The following TIAM1 variants were observed in gnomAD, a reference collection of about 807,000 sequenced individuals.
TIAM1 encodes rho guanine nucleotide exchange factor TIAM1.
TIAM1 carries 65 observed loss-of-function variants against 163.5 expected under a neutral mutation model. The observed-to-expected ratio is 0.40, with a 90% confidence interval of 0.33 to 0.49. The LOEUF is 0.49. TIAM1 is among the 20% of genes least tolerant of loss of function. TIAM1 has a pLI of 0.77. For missense variants in TIAM1, 1,789 were observed against 2,044.7 expected (o/e 0.87, Z 2.41); for synonymous variants, 833 against 810.1 (o/e 1.03, Z -0.48).
chr21:31,520,605 C>G (rs965145376), intron 1 of TIAM1, among the ~76,000 whole-genome samples: 1 of 152,190 alleles, frequency 6.6e-6, no homozygotes, highest in Non-Finnish European at 1.5e-5. Flanking sequence ...AATGGGATTC[C>G]TGTGGCAATG....
At chr21:31,357,395 C>T (rs1454491968) in intron 2 of TIAM1, among the ~76,000 whole-genome samples, 2 of 152,176 alleles carry the variant, frequency 1.3e-5, no homozygotes, top group East Asian at 3.9e-4. Flanking sequence ...CTACCACAAA[C>T]TTCTAAGACT....
At chr21:31,289,699 C>T (rs1289723835) in intron 2 of TIAM1, among the ~76,000 whole-genome samples, 1 of 152,146 alleles carries the variant, frequency 6.6e-6, no homozygotes, top group Non-Finnish European at 1.5e-5. Context: ...CCATATTCCC[C>T]TCCCTAAAAA....
intron 7 of TIAM1, 86 bp from the exon 8 acceptor site, chr21:31,223,677 C>G (rs929026994): frequency 5.3e-6 from 7 of 1,316,936 alleles, no homozygotes; most frequent in Non-Finnish European, 7.1e-6. Context: ...ATCTATATGT[C>G]GTAAAGGCAT....
chr21:31,445,732 G>A (rs748522892), intron 2 of TIAM1, among the ~76,000 whole-genome samples: 1 of 152,006 alleles, frequency 6.6e-6, no homozygotes, highest in Non-Finnish European at 1.5e-5. Flanking sequence ...ATCAACCATT[G>A]TTTCCTGGAT....
intron 2 of TIAM1, among the ~76,000 whole-genome samples, chr21:31,370,757 T>C (rs893450763): frequency 3.9e-5 from 6 of 152,298 alleles, no homozygotes; most frequent in African/African-American, 1.4e-4. Context: ...GACAGTGGAC[T>C]GTTTAAAAAA....
chr21:31,482,060 A>AGTGTGT (rs10523425), intron 1 of TIAM1, among the ~76,000 whole-genome samples: 20,730 of 145,422 alleles, frequency 0.14, 1,620 homozygotes, highest in Non-Finnish European at 0.17. Context: ...ACTGGGACAA[A>AGTGTGT]GTGTGTGTGT....
chr21:31,143,441 A>G (rs1425815919), intron 20 of TIAM1, among the ~76,000 whole-genome samples: 1 of 131,854 alleles, frequency 7.6e-6, no homozygotes, highest in Non-Finnish European at 1.6e-5. Context: ...GTGGGAGTGT[A>G]TATATAATTT....
chr21:31,209,564 C>A (rs188346031), intron 11 of TIAM1, among the ~76,000 whole-genome samples: 32 of 152,268 alleles, frequency 2.1e-4, no homozygotes, highest in Middle Eastern at 3.4e-3. Context: ...CTAAAGATGC[C>A]CATAGTGTAT....
intron 1 of TIAM1, among the ~76,000 whole-genome samples, chr21:31,550,802 G>A (rs148697842): frequency 6.6e-6 from 1 of 152,132 alleles, no homozygotes; most frequent in African/African-American, 2.4e-5. Context: ...AGAAGATCAG[G>A]ACATCCATTT....
intron 2 of TIAM1, among the ~76,000 whole-genome samples, chr21:31,410,897 T>G (rs1434084407): frequency 2.0e-5 from 3 of 152,114 alleles, no homozygotes; most frequent in Non-Finnish European, 4.4e-5. Context: ...TACAAAAGCA[T>G]GAACTCAGCT....
At chr21:31,551,350 C>G (rs1375581520) in intron 1 of TIAM1, among the ~76,000 whole-genome samples, 2 of 151,930 alleles carry the variant, frequency 1.3e-5, no homozygotes, top group African/African-American at 4.8e-5. Flanking sequence ...GGAGAGATTG[C>G]ACCAAGCCGC....
chr21:31,543,038 G>A (rs2123281948), intron 1 of TIAM1, among the ~76,000 whole-genome samples: 1 of 152,128 alleles, frequency 6.6e-6, no homozygotes, highest in East Asian at 1.9e-4. Flanking sequence ...AAGGCATATC[G>A]GTGCGATGTT....
At chr21:31,417,782 C>T (rs550936426) in intron 2 of TIAM1, among the ~76,000 whole-genome samples, 9 of 152,216 alleles carry the variant, frequency 5.9e-5, no homozygotes, top group African/African-American at 2.2e-4. Flanking sequence ...GGGACAGTCT[C>T]GCTGAAAAAG....
chr21:31,215,982 G>A (rs2087183576), intron 9 of TIAM1, among the ~76,000 whole-genome samples: 1 of 152,148 alleles, frequency 6.6e-6, no homozygotes, highest in African/African-American at 2.4e-5. Context: ...CCAACATGGT[G>A]AAACCCCATC....
At chr21:31,496,459 CAAAAAAA>C (rs58140674) in intron 1 of TIAM1, among the ~76,000 whole-genome samples, 1 of 87,888 alleles carries the variant, frequency 1.1e-5, no homozygotes, top group African/African-American at 4.4e-5. Context: ...AACTCTGTCT[CAAAAAAA>C]AAAAAAAAAA....
intron 2 of TIAM1, among the ~76,000 whole-genome samples, chr21:31,403,292 C>T (rs1003093186): frequency 6.6e-6 from 1 of 152,016 alleles, no homozygotes; most frequent in African/African-American, 2.4e-5. Context: ...GGACTACAGA[C>T]GCGTGCCACC....
chr21:31,310,900 T>C (rs912434366), intron 2 of TIAM1, among the ~76,000 whole-genome samples: 1 of 152,220 alleles, frequency 6.6e-6, no homozygotes, highest in Non-Finnish European at 1.5e-5. Context: ...CAGCAAAGCA[T>C]ACTTTGCATT....
intron 2 of TIAM1, among the ~76,000 whole-genome samples, chr21:31,374,415 A>G (rs2076650773): frequency 6.6e-6 from 1 of 152,098 alleles, no homozygotes; most frequent in Admixed American, 6.5e-5. Context: ...ATACCTACAT[A>G]TACGGAATAT....
chr21:31,454,782 C>G (rs1018189753), intron 2 of TIAM1, among the ~76,000 whole-genome samples: 1 of 152,156 alleles, frequency 6.6e-6, no homozygotes, highest in African/African-American at 2.4e-5. Flanking sequence ...CCTTGTGGAG[C>G]TGAATCAGAA....
Sources: gnomAD v4.1 joint callset for allele counts (sites outside exome capture counted in the v4.1 genomes callset) on GRCh38, gnomAD v4.1.1 for gene constraint, MANE v1.5 for transcripts, NCBI Gene and HGNC (gene_info 2026-07-23, HGNC 2026-07-21) for gene names.